The following PKP1 variants were observed in gnomAD, a reference collection of about 807,000 sequenced individuals.
The protein encoded by PKP1 is plakophilin-1.
In PKP1, 27 loss-of-function variants were observed where a neutral mutation model predicts 76.4. That is an observed-to-expected ratio of 0.35 (90% CI 0.26 to 0.49). The LOEUF (loss-of-function observed/expected upper bound fraction) is 0.49. Among genes scored for constraint, PKP1 ranks in the 20% least tolerant of loss-of-function variants. The pLI is 0.99. For synonymous variants in PKP1, 404 were observed against 384.2 expected (o/e 1.05, Z -0.60); for missense variants, 964 against 955.2 (o/e 1.01, Z -0.12).
At chr1:201,327,563 G>T (rs985624277) in intron 12 of PKP1, among the ~76,000 whole-genome samples, 1 of 152,050 alleles carries the variant, frequency 6.6e-6, no homozygotes, top group East Asian at 1.9e-4. Context: ...GCTTCCTCCC[G>T]CTGTGTAATG....
At chr1:201,295,413 C>T (rs534892495) in intron 2 of PKP1, among the ~76,000 whole-genome samples, 4 of 152,200 alleles carry the variant, frequency 2.6e-5, no homozygotes, top group Non-Finnish European at 4.4e-5. Flanking sequence ...CAAAATAAAC[C>T]CAGCACACTG....
At chr1:201,318,522 G>C in intron 5 of PKP1, 96 bp from the exon 6 acceptor site, 4 of 1,026,442 alleles carry the variant, frequency 3.9e-6, no homozygotes, top group Non-Finnish European at 6.1e-6. Context: ...CATTTCAGTA[G>C]GGCCCATTTG....
chr1:201,308,130 G>A (rs1656422293), intron 2 of PKP1, among the ~76,000 whole-genome samples: 1 of 152,256 alleles, frequency 6.6e-6, no homozygotes, highest in Non-Finnish European at 1.5e-5. Context: ...CCACCCAGCT[G>A]CTTTGCTCAG....
At chr1:201,323,390 G>T (rs1398732966) in intron 9 of PKP1, among the ~76,000 whole-genome samples, 2 of 149,670 alleles carry the variant, frequency 1.3e-5, no homozygotes, top group African/African-American at 2.4e-5. Context: ...GATGCAGAGA[G>T]GGTGGGCCCA....
chr1:201,321,846 G>C, intron 7 of PKP1, 132 bp from the exon 8 acceptor site: 2 of 958,566 alleles, frequency 2.1e-6, no homozygotes, highest in Non-Finnish European at 3.2e-6. Flanking sequence ...CTGATAGTGT[G>C]GTGGTGCCTG....
rs1350165579 is a variant in PKP1, at chr1:201,331,303, G to C, written c.*1262G>C. On this transcript the variant is annotated 3_prime_UTR_variant, in exon 14 of 14. Coordinates refer to ENST00000367324, the MANE Select transcript of PKP1 (RefSeq NM_001005337.3). ...CACTTCCCCTGACCCCAGCTGTCTT[G>C]TCTCCACTCTGTGAAACCCACAGGG... 6.6e-6 allele frequency: 1 copy of C among 152,318 alleles called. No homozygotes were observed. Among genetic ancestry groups the C allele is most frequent in the Admixed American group, 6.5e-5 (1 of 15,282 alleles). The allele number at this position is 152,318 out of a possible 1,614,324, so 9.4% of individuals were successfully genotyped here. A position where few individuals can be genotyped will look rare whatever the true frequency, so the allele number is the denominator to read the frequency against.
intron 1 of PKP1, among the ~76,000 whole-genome samples, chr1:201,293,546 G>T (rs1655987462): frequency 6.6e-6 from 1 of 152,166 alleles, no homozygotes; most frequent in Admixed American, 6.5e-5. Context: ...TCGGAATCCT[G>T]CCTGTCTCCC....
intron 3 of PKP1, among the ~76,000 whole-genome samples, chr1:201,314,392 G>C (rs1261316887): frequency 1.3e-5 from 2 of 152,144 alleles, no homozygotes; most frequent in Admixed American, 6.5e-5. Flanking sequence ...AGCCCGGGAG[G>C]GGGAGGTTGC....
At chr1:201,291,873 G>C (rs1441455679) in intron 1 of PKP1, among the ~76,000 whole-genome samples, 1 of 152,214 alleles carries the variant, frequency 6.6e-6, no homozygotes, top group East Asian at 1.9e-4. Flanking sequence ...CCCCTTCCTT[G>C]GGAGCACCAG....
At chr1:201,301,916 C>T (rs1656244535) in intron 2 of PKP1, among the ~76,000 whole-genome samples, 1 of 152,286 alleles carries the variant, frequency 6.6e-6, no homozygotes, top group African/African-American at 2.4e-5. Context: ...CCTCATCTGT[C>T]ATTGAAGGCG....
At chr1:201,288,588 A>T (rs1655806989) in intron 1 of PKP1, among the ~76,000 whole-genome samples, 1 of 152,188 alleles carries the variant, frequency 6.6e-6, no homozygotes, top group Non-Finnish European at 1.5e-5. Context: ...CAGATCCAGC[A>T]TGGGGGAGCA....
chr1:201,285,481 AG>A, intron 1 of PKP1, among the ~76,000 whole-genome samples: 1 of 152,284 alleles, frequency 6.6e-6, no homozygotes, highest in East Asian at 1.9e-4. Context: ...TGCCACCTCC[AG>A]AGCACTTGCC....
chr1:201,317,760 G>T lies in PKP1; in HGVS notation c.1035G>T (p.Glu345Asp), dbSNP rs759089223. 6.2e-7 allele frequency: 1 copy of T among 1,613,662 alleles called. No homozygotes were observed. The highest frequency in any genetic ancestry group is 1.1e-5 in the South Asian group (1 of 91,036). ...TCCTGAGGAGAACCGGGAACGCCGA[G>T]ATCCAGAAGCAGCTGACTGGTAGGA... ...VSLLRRTGNA[E>D]IQKQLTGLLW... Residue 345 changes from glutamate (E) to aspartate (D), a missense_variant, in exon 5 of 14, where the codon GAG becomes GAT. By Grantham distance (45) the Glu-to-Asp change is conservative. Transcript: ENST00000367324.
intron 1 of PKP1, among the ~76,000 whole-genome samples, chr1:201,285,522 G>A (rs1248323057): frequency 6.6e-6 from 1 of 152,062 alleles, no homozygotes; most frequent in Non-Finnish European, 1.5e-5. Context: ...GCCTTGGTAG[G>A]TGCCTCCTAG....
intron 2 of PKP1, among the ~76,000 whole-genome samples, chr1:201,297,724 A>T (rs887228690): frequency 5.3e-5 from 8 of 152,132 alleles, no homozygotes; most frequent in Non-Finnish European, 1.2e-4. Context: ...CTAAACACTA[A>T]AGTTTAGGGA....
At position 201,325,802 on chromosome 1, in the gene PKP1, G is replaced by A. The variant is rs1240215952; in HGVS notation, c.2070G>A (p.Met690Ile). 1.2e-6 allele frequency: 2 copies of A among 1,613,980 alleles called. No homozygotes were observed. Among genetic ancestry groups the A allele is most frequent in the East Asian group, 2.2e-5 (1 of 44,896 alleles). ...AEAARLLLSD[M>I]WSSKELQGVL... is the part of the protein sequence containing the mutation. Reference sequence around the variant, plus strand: ...CTGCCCGGCTTCTCCTGTCTGACATGTGGTCCAGCAAGGAACTGCAGGGTG... The same window carrying A: ...CTGCCCGGCTTCTCCTGTCTGACATATGGTCCAGCAAGGAACTGCAGGGTG... Residue 690 changes from methionine (M) to isoleucine (I), a missense_variant, in exon 12 of 14, where the codon ATG becomes ATA. Coordinates refer to ENST00000367324, the MANE Select transcript of PKP1 (RefSeq NM_001005337.3).
chr1:201,287,838 C>T (rs925546449), intron 1 of PKP1, among the ~76,000 whole-genome samples: 5 of 152,162 alleles, frequency 3.3e-5, no homozygotes, highest in African/African-American at 7.2e-5. Flanking sequence ...TGCGATGGGC[C>T]GTGACCCTTA....
chr1:201,316,502 G>T, intron 3 of PKP1, 51 bp from the exon 4 acceptor site: 1 of 1,553,136 alleles, frequency 6.4e-7, no homozygotes, highest in South Asian at 1.2e-5. Flanking sequence ...AGCCCCCTCA[G>T]CAGGGCTCCC....
chr1:201,323,249 T>A, intron 9 of PKP1, 60 bp downstream of exon 9: 10 of 1,512,748 alleles, frequency 6.6e-6, no homozygotes, highest in Non-Finnish European at 9.2e-7. Flanking sequence ...CCGTCCAGCC[T>A]CTGCTCCCTC....
Sources: gnomAD v4.1 joint callset for allele counts (sites outside exome capture counted in the v4.1 genomes callset) on GRCh38, gnomAD v4.1.1 for gene constraint, MANE v1.5 for transcripts, NCBI Gene and HGNC (gene_info 2026-07-23, HGNC 2026-07-21) for gene names.